CD84: variants seen among roughly 807,000 people sequenced by gnomAD.
The protein encoded by CD84 is CD84 molecule, also known as SLAM family member 5.
Under a neutral mutation model 33.8 loss-of-function variants are expected in CD84, and 22 were observed. The ratio of observed to expected loss-of-function variants is 0.65; its 90% CI spans 0.46 to 0.93. CD84 has a LOEUF of 0.93. CD84 is among the 40% of genes least tolerant of loss of function. The pLI is 0.00. For synonymous variants in CD84, 154 were observed against 145.2 expected, an observed-to-expected ratio of 1.06 and a Z score of -0.44; for missense variants, 400 against 397.6, an observed-to-expected ratio of 1.01 and a Z score of -0.05.
In CD84 at chr1:160,542,816, G is replaced by T. The variant is rs1655610113; in HGVS notation, c.*5440C>A. 6.6e-6 allele frequency: 1 copy of T among 152,018 alleles called. No individual in the cohort carries two copies. Among genetic ancestry groups the T allele is most frequent in the African/African-American group, 2.4e-5 (1 of 41,352 alleles). 9.4% of individuals were successfully genotyped at this position (152,018 alleles called of 1,614,324 possible). On this transcript the variant is annotated 3_prime_UTR_variant, in exon 7 of 7. Coordinates refer to ENST00000368054, the MANE Select transcript of CD84 (RefSeq NM_003874.4). ...GTCAGAATTCAGGACTTTTTTAATGGTCCTTTGTCGAAATGTATTAACACT... is the reference window on the plus strand; with the variant it reads ...GTCAGAATTCAGGACTTTTTTAATGTTCCTTTGTCGAAATGTATTAACACT...
intron 2 of CD84, among the ~76,000 whole-genome samples, chr1:160,560,098 T>C (rs2102162239): frequency 6.6e-6 from 1 of 152,168 alleles, no homozygotes; most frequent in South Asian, 2.1e-4. Flanking sequence ...AGGCAGAAAG[T>C]TTACAAAGAT....
In CD84 at chr1:160,579,400, A is replaced by T. The variant is rs1463107273; in HGVS notation, c.38T>A (p.Leu13Gln). Residue 13 changes from leucine (L) to glutamine (Q), a missense_variant, in exon 1 of 7, where the codon CTG becomes CAG. Coordinates refer to ENST00000368054, the MANE Select transcript of CD84 (RefSeq NM_003874.4). Reference sequence around the variant, plus strand: ...CAAGGGTCAGAACTCACAGGTTTGCAGGCAAAGGAGCAAGATCCATAGGTG... The same window carrying T: ...CAAGGGTCAGAACTCACAGGTTTGCTGGCAAAGGAGCAAGATCCATAGGTG... ...QHHLWILLLCLQTWPEAAGKD... is the reference protein window; with the variant it reads ...QHHLWILLLCQQTWPEAAGKD... The T allele has an allele frequency of 2.5e-6, 4 of 1,613,150 alleles. No individual in the cohort carries two copies. In the African/African-American group the frequency reaches 5.3e-5, roughly 22 times the overall value.
chr1:160,578,002 A>G (rs904235061), intron 1 of CD84, among the ~76,000 whole-genome samples: 2 of 152,180 alleles, frequency 1.3e-5, no homozygotes, highest in African/African-American at 2.4e-5. Flanking sequence ...TTTGAAAGCA[A>G]TGAGTGAAGA....
chr1:160,565,012 A>C (rs188950330), intron 2 of CD84, among the ~76,000 whole-genome samples: 81 of 152,336 alleles, frequency 5.3e-4, no homozygotes, highest in African/African-American at 1.9e-3. Flanking sequence ...TGAAGGGTAC[A>C]TAGAACCTCC....
rs1311577356 is a variant in CD84, at chr1:160,547,057, T to A, written c.*1199A>T. 1.0e-5 allele frequency: 4 copies of A among 398,626 alleles called. No homozygotes were observed. The highest frequency in any genetic ancestry group is 8.2e-5 in the African/African-American group (4 of 48,628). The allele number at this position is 398,626 out of a possible 1,614,324, so 24.7% of individuals were successfully genotyped here. A position where few individuals can be genotyped will look rare whatever the true frequency, so the allele number is the denominator to read the frequency against. The stretch of plus-strand genomic sequence containing the variant: ...ACTTCCTTAAATGATCATATGAATG[T>A]CTTGCTCAGTTGTGAATGATTCTTC... On this transcript the variant is annotated 3_prime_UTR_variant, in exon 7 of 7. Coordinates refer to ENST00000368054, the MANE Select transcript of CD84 (RefSeq NM_003874.4).
In CD84 at chr1:160,579,448, G is replaced by A. The variant is rs765843969; in HGVS notation, c.-11C>T. ...GTGGTGCTGAGCCATCTCTTTCAGG[G>A]TCTAACCTTCTGTGGAAAAGCACGG... On this transcript the variant is annotated 5_prime_UTR_variant, in exon 1 of 7. Coordinates refer to ENST00000368054, the MANE Select transcript of CD84 (RefSeq NM_003874.4). The A allele has an allele frequency of 3.7e-6, 6 of 1,612,746 alleles. No individual in the cohort carries two copies. Among genetic ancestry groups the A allele is most frequent in the Non-Finnish European group, 5.1e-6 (6 of 1,179,264 alleles).
chr1:160,573,410 T>G (rs2102206431), intron 1 of CD84, among the ~76,000 whole-genome samples: 1 of 152,210 alleles, frequency 6.6e-6, no homozygotes, highest in South Asian at 2.1e-4. Context: ...CTCTCTATTC[T>G]CCTTTCATAA....
At chr1:160,558,697 A>G (rs1656762861) in intron 2 of CD84, among the ~76,000 whole-genome samples, 1 of 152,190 alleles carries the variant, frequency 6.6e-6, no homozygotes, top group Non-Finnish European at 1.5e-5. Flanking sequence ...TTGCTGAGCT[A>G]AAGGAGCATG....
intron 1 of CD84, among the ~76,000 whole-genome samples, chr1:160,570,754 C>G (rs1002285067): frequency 4.6e-5 from 7 of 152,098 alleles, no homozygotes; most frequent in Non-Finnish European, 7.4e-5. Context: ...CCCAGCTGCC[C>G]AGGAGGCTGA....
chr1:160,573,548 C>T (rs1020105334), intron 1 of CD84, among the ~76,000 whole-genome samples: 6 of 152,142 alleles, frequency 3.9e-5, no homozygotes, highest in African/African-American at 1.4e-4. Context: ...TGTTGTTCTC[C>T]TCTTTTCCTA....
chr1:160,558,412 T>C (rs1260469505), intron 2 of CD84, among the ~76,000 whole-genome samples: 4 of 151,944 alleles, frequency 2.6e-5, no homozygotes, highest in South Asian at 4.2e-4. Flanking sequence ...AGCCTGACTA[T>C]TGAAAGAAAA....
At chr1:160,559,313 TG>T (rs1656798696) in intron 2 of CD84, among the ~76,000 whole-genome samples, 1 of 152,134 alleles carries the variant, frequency 6.6e-6, no homozygotes, top group Admixed American at 6.6e-5. Flanking sequence ...CAGAAGAGAT[TG>T]GGGGCCAATA....
rs1655889278 is a variant in CD84 at position 160,547,354 on chromosome 1, G to A, written c.*902C>T. 1 of 395,726 alleles carries A rather than the reference G, an allele frequency of 2.5e-6. No homozygotes were observed. The highest frequency in any genetic ancestry group is 1.4e-4 in the South Asian group (1 of 7,008). The allele number at this position is 395,726 out of a possible 1,614,324, so 24.5% of individuals were successfully genotyped here. ...AGCTGGTCAGTTCCTTTTGGAGAGTGGGAATACTGGGCATGGCTGCTTCTT... is the reference window on the plus strand; with the variant it reads ...AGCTGGTCAGTTCCTTTTGGAGAGTAGGAATACTGGGCATGGCTGCTTCTT... On this transcript the variant is annotated 3_prime_UTR_variant, in exon 7 of 7. Transcript: ENST00000368054.
chr1:160,576,926 G>A (rs1483385252), intron 1 of CD84, among the ~76,000 whole-genome samples: 2 of 152,038 alleles, frequency 1.3e-5, no homozygotes, highest in African/African-American at 2.4e-5. Flanking sequence ...ATACGAATGG[G>A]GCAGAGAAAA....
intron 1 of CD84, among the ~76,000 whole-genome samples, chr1:160,574,639 GTCACCA>G (rs1657887623): frequency 6.6e-6 from 1 of 152,166 alleles, no homozygotes; most frequent in South Asian, 2.1e-4. Flanking sequence ...TCACCTGTAT[GTCACCA>G]TGGGTTAGTC....
intron 5 of CD84, chr1:160,550,732 T>C (rs1241608685): frequency 3.0e-6 from 3 of 985,080 alleles, no homozygotes; most frequent in Non-Finnish European, 2.4e-6. Flanking sequence ...CCATGGAGGC[T>C]GCCATGGGGT....
intron 1 of CD84, among the ~76,000 whole-genome samples, chr1:160,571,700 G>A (rs1657705057): frequency 6.6e-6 from 1 of 152,148 alleles, no homozygotes; most frequent in African/African-American, 2.4e-5. Flanking sequence ...GGTAAGCAGA[G>A]AGAGATGTCC....
intron 2 of CD84, among the ~76,000 whole-genome samples, chr1:160,557,290 T>C (rs548794504): frequency 6.6e-6 from 1 of 152,364 alleles, no homozygotes; most frequent in East Asian, 1.9e-4. Context: ...TCAATCATCT[T>C]ATATTAATCG....
chr1:160,552,494 G>A (rs1226942207), intron 4 of CD84, among the ~76,000 whole-genome samples: 2 of 152,164 alleles, frequency 1.3e-5, no homozygotes, highest in African/African-American at 2.4e-5. Flanking sequence ...TACTTAATAA[G>A]TATATACAGC....
Sources: allele counts gnomAD v4.1 joint callset (sites outside exome capture counted in the v4.1 genomes callset), GRCh38; gene constraint gnomAD v4.1.1; transcripts MANE v1.5; gene names NCBI Gene and HGNC (gene_info 2026-07-23, HGNC 2026-07-21).